The following TNRC6A variants were observed in gnomAD, a reference collection of about 807,000 sequenced individuals.
The protein encoded by TNRC6A is trinucleotide repeat containing adaptor 6A.
Under a neutral mutation model 221.2 loss-of-function variants are expected in TNRC6A, and 44 were observed. The ratio of observed to expected loss-of-function variants is 0.20; its 90% CI spans 0.16 to 0.26. The LOEUF (loss-of-function observed/expected upper bound fraction) is 0.26. Among genes scored for constraint, TNRC6A ranks in the 10% least tolerant of loss-of-function variants. The pLI is 1.00. For synonymous variants in TNRC6A, 847 were observed against 838.5 expected, an observed-to-expected ratio of 1.01 and a Z score of -0.18; for missense variants, 2,199 against 2,404.4, an observed-to-expected ratio of 0.91 and a Z score of 1.79.
At chr16:24,653,158 G>A (rs1902762176) in intron 2 of TNRC6A, among the ~76,000 whole-genome samples, 1 of 152,088 alleles carries the variant, frequency 6.6e-6, no homozygotes, top group South Asian at 2.1e-4. Flanking sequence ...AATCTATAAA[G>A]CAATAGAACA....
Position 24,690,531 on chromosome 16 carries a change from G to T in TNRC6A, n.402+49522G>T, listed in dbSNP as rs963746684. On this transcript the variant is annotated intron_variant and non_coding_transcript_variant, in intron 2 of 2. Coordinates refer to the TNRC6A transcript ENST00000566108. ...AATATTCATTGGGTGCCTACTACAT[G>T]AAAACATCTGTTCACAAGTATTATT... Among the ~76,000 whole-genome samples, 5 of 152,150 alleles carry T rather than the reference G, an allele frequency of 3.3e-5. 1 individual carries two copies. The highest frequency in any genetic ancestry group is 3.3e-4 in the Admixed American group (5 of 15,256).
intron 15 of TNRC6A, 69 bp from the exon 16 acceptor site, chr16:24,806,137 G>C: frequency 6.3e-7 from 1 of 1,577,634 alleles, no homozygotes; most frequent in East Asian, 2.2e-5. Context: ...TCCATCTGCT[G>C]TCGTCATTTG....
chr16:24,716,837 T>TCCAGCTACTCCCG lies in TNRC6A; in HGVS notation n.403-33889_403-33888insCCAGCTACTCCCG, dbSNP rs1309051824. ...AACTGGGCATGGTGGTGCACACCTG[T>TCCAGCTACTCCCG]AGTCCAGCTACTCGGGAGGCTGAGG... On this transcript the variant is annotated intron_variant and non_coding_transcript_variant, in intron 2 of 2. Coordinates refer to the TNRC6A transcript ENST00000566108. Among the ~76,000 whole-genome samples, 197 of 151,404 alleles carry TCCAGCTACTCCCG rather than the reference T, an allele frequency of 1.3e-3. 2 individuals carry two copies. Among genetic ancestry groups the TCCAGCTACTCCCG allele is most frequent in the Non-Finnish European group, 2.1e-3 (142 of 67,890 alleles).
intron 2 of TNRC6A, among the ~76,000 whole-genome samples, chr16:24,644,340 G>T (rs1902164602): frequency 6.6e-6 from 1 of 151,852 alleles, no homozygotes; most frequent in African/African-American, 2.4e-5. Context: ...TGTCCACCAG[G>T]CTGGAGTGCA....
At chr16:24,750,852 A>G (rs773917802) in intron 3 of TNRC6A, 39 bp downstream of exon 3, 17 of 1,399,580 alleles carry the variant, frequency 1.2e-5, no homozygotes, top group Non-Finnish European at 1.6e-5. Context: ...AGCAGTTTAA[A>G]CATAGAATTA....
intron 1 of TNRC6A, among the ~76,000 whole-genome samples, chr16:24,637,488 A>C (rs926398442): frequency 1.3e-5 from 2 of 152,192 alleles, no homozygotes; most frequent in African/African-American, 2.4e-5. Flanking sequence ...CAAGGGGAAA[A>C]TAATACAATA....
rs147701804 is a variant in TNRC6A at position 24,761,750 on chromosome 16, C to T, written c.163+3390C>T. ...CATGCTACATTACCCAGGCTGGTCT[C>T]AAACTCCTAGACTCACACGATCTTC... On this transcript the variant is annotated intron_variant, in intron 4 of 24. Coordinates refer to ENST00000395799, the MANE Select transcript of TNRC6A (RefSeq NM_014494.4). Among the ~76,000 whole-genome samples the T allele has an allele frequency of 1.4e-3, 217 of 152,122 alleles. 1 individual carries two copies. Among genetic ancestry groups the T allele is most frequent in the Non-Finnish European group, 2.5e-3 (169 of 68,004 alleles).
At chr16:24,725,998 TAAA>T (rs200509728), upstream of TNRC6A, among the ~76,000 whole-genome samples, 1 of 128,082 alleles carries the variant, frequency 7.8e-6, no homozygotes, top group Admixed American at 7.8e-5. Context: ...AGACTATGTC[TAAA>T]AAAAAAAAAA....
intron 20 of TNRC6A, among the ~76,000 whole-genome samples, chr16:24,817,591 C>G (rs2058680895): frequency 6.6e-6 from 1 of 152,128 alleles, no homozygotes; most frequent in Non-Finnish European, 1.5e-5. Flanking sequence ...TACTTTTCAC[C>G]TCAAGGCATT....
chr16:24,764,944 A>G (rs1248294038), intron 4 of TNRC6A, among the ~76,000 whole-genome samples: 1 of 152,248 alleles, frequency 6.6e-6, no homozygotes, highest in Non-Finnish European at 1.5e-5. Context: ...AAATAGAACA[A>G]TTATAATCTG....
At chr16:24,693,797 G>C (rs764863923) in intron 2 of TNRC6A, among the ~76,000 whole-genome samples, 1 of 151,428 alleles carries the variant, frequency 6.6e-6, no homozygotes, top group Non-Finnish European at 1.5e-5. Flanking sequence ...CTACTCAGGG[G>C]GCTGAGATGG....
chr16:24,753,724 C>G (rs768481289), intron 3 of TNRC6A, among the ~76,000 whole-genome samples: 5 of 152,216 alleles, frequency 3.3e-5, no homozygotes, highest in Non-Finnish European at 7.3e-5. Context: ...GCCAGGTGGG[C>G]AGGCCCATTT....
rs1398766812 is a variant in TNRC6A, at chr16:24,640,291, T to A, written n.277-593T>A. Reference sequence around the variant, plus strand: ...GGTGTGCACTTCTAGTCCTAGCTACTCAGGAGGCTGAGACAGGAGGATCAC... The same window carrying A: ...GGTGTGCACTTCTAGTCCTAGCTACACAGGAGGCTGAGACAGGAGGATCAC... On this transcript the variant is annotated intron_variant and non_coding_transcript_variant, in intron 1 of 2. Coordinates refer to the TNRC6A transcript ENST00000566108. Among the ~76,000 whole-genome samples the A allele has an allele frequency of 4.6e-5, 7 of 151,414 alleles. No homozygotes were observed. The East Asian group carries it at 1.4e-3, about 30-fold the overall frequency.
chr16:24,687,843 GGAAGAAGAA>G (rs758957416), intron 2 of TNRC6A, among the ~76,000 whole-genome samples: 13 of 101,856 alleles, frequency 1.3e-4, no homozygotes, highest in East Asian at 2.8e-4. Flanking sequence ...AAGAGGAAGA[GGAAGAAGAA>G]GAAGAAGAAG....
intron 4 of TNRC6A, among the ~76,000 whole-genome samples, chr16:24,765,220 AGG>A (rs1405941969): frequency 6.6e-6 from 1 of 152,210 alleles, no homozygotes; most frequent in Admixed American, 6.5e-5. Context: ...ATGGCTTCAT[AGG>A]GGTTACTGTA....
chr16:24,717,144 G>C (rs954753503), intron 2 of TNRC6A, among the ~76,000 whole-genome samples: 1 of 152,066 alleles, frequency 6.6e-6, no homozygotes, highest in Non-Finnish European at 1.5e-5. Flanking sequence ...GAGTGCAGTG[G>C]TGCAATCACG....
At chr16:24,691,495 G>A (rs913848755) in intron 2 of TNRC6A, among the ~76,000 whole-genome samples, 26 of 152,276 alleles carry the variant, frequency 1.7e-4, no homozygotes, top group African/African-American at 5.8e-4. Flanking sequence ...AGGGCCAGAC[G>A]CGGTGGCTCA....
At chr16:24,811,022 G>A (rs555367660) in intron 18 of TNRC6A, among the ~76,000 whole-genome samples, 2 of 152,240 alleles carry the variant, frequency 1.3e-5, no homozygotes, top group Admixed American at 6.5e-5. Context: ...AATACAGGAC[G>A]GACCCGAGTC....
At chr16:24,710,907 G>A (rs948215240) in intron 2 of TNRC6A, among the ~76,000 whole-genome samples, 5 of 146,672 alleles carry the variant, frequency 3.4e-5, no homozygotes, top group South Asian at 2.2e-4. Context: ...ATGGAATCTC[G>A]CTCTGCCGCC....
Sources: allele counts gnomAD v4.1 joint callset (sites outside exome capture counted in the v4.1 genomes callset), GRCh38; gene constraint gnomAD v4.1.1; transcripts MANE v1.5; gene names NCBI Gene and HGNC (gene_info 2026-07-23, HGNC 2026-07-21).